Variants in SVOP observed in about 807,000 individuals in gnomAD.
SVOP encodes synaptic vesicle 2-related protein.
In SVOP, 17 loss-of-function variants were observed where a neutral mutation model predicts 69.1. That is an observed-to-expected ratio of 0.25 (90% CI 0.17 to 0.37). SVOP has a LOEUF of 0.37. Ranked by LOEUF, SVOP falls within the 10% of genes least tolerant of loss-of-function variation. The pLI is 1.00. For missense variants in SVOP, 435 were observed against 597.5 expected (o/e 0.73, Z 2.84); for synonymous variants, 238 against 238.6 (o/e 1.00, Z 0.02).
At chr12:109,008,605 G>T (rs1254483498) in intron 1 of SVOP, among the ~76,000 whole-genome samples, 1 of 152,134 alleles carries the variant, frequency 6.6e-6, no homozygotes, top group Non-Finnish European at 1.5e-5. Flanking sequence ...ATCCTAGTTA[G>T]CATTCATGAA....
At chr12:108,974,505 C>T (rs538525549) in intron 4 of SVOP, among the ~76,000 whole-genome samples, 1 of 152,102 alleles carries the variant, frequency 6.6e-6, no homozygotes, top group African/African-American at 2.4e-5. Context: ...GAATGTGATC[C>T]TTTTAAGCAA....
chr12:109,020,579 G>A (rs2040391162), intron 1 of SVOP, among the ~76,000 whole-genome samples: 1 of 152,090 alleles, frequency 6.6e-6, no homozygotes, highest in Non-Finnish European at 1.5e-5. Context: ...CAATTAAAAG[G>A]GGAATCATAA....
chr12:108,980,329 T>TTA (rs2137435964), intron 2 of SVOP, among the ~76,000 whole-genome samples: 1 of 152,338 alleles, frequency 6.6e-6, no homozygotes, highest in East Asian at 1.9e-4. Context: ...CACACCAAGG[T>TTA]TAATTTTTTT....
intron 10 of SVOP, among the ~76,000 whole-genome samples, chr12:108,934,801 C>G (rs2039846780): frequency 6.6e-6 from 1 of 152,172 alleles, no homozygotes; most frequent in Admixed American, 6.5e-5. Context: ...GGAAGTTACC[C>G]TATATGGTCT....
At chr12:108,922,204 A>G (rs2039752429) in intron 12 of SVOP, among the ~76,000 whole-genome samples, 1 of 152,230 alleles carries the variant, frequency 6.6e-6, no homozygotes, top group African/African-American at 2.4e-5. Flanking sequence ...AGCAAAGGGC[A>G]GGTTGGCTTA....
At chr12:108,953,876 C>T (rs557176320) in intron 6 of SVOP, among the ~76,000 whole-genome samples, 42 of 152,140 alleles carry the variant, frequency 2.8e-4, no homozygotes, top group African/African-American at 9.9e-4. Flanking sequence ...CTTTGGGAGG[C>T]TGAGGCAGGC....
chr12:109,021,063 G>T lies in SVOP; in HGVS notation c.-195C>A, dbSNP rs35075762. 3.8e-3 allele frequency: 2,167 copies of T among 568,920 alleles called. 5 individuals carry two copies. Among genetic ancestry groups the T allele is most frequent in the Non-Finnish European group, 5.4e-3 (1,712 of 319,170 alleles). 35.2% of individuals were successfully genotyped at this position (568,920 alleles called of 1,614,324 possible). A position where few individuals can be genotyped will look rare whatever the true frequency, so the allele number is the denominator to read the frequency against. On this transcript the variant is annotated 5_prime_UTR_variant, in exon 1 of 16. Transcript: ENST00000610966. ...GCCTCCGCCGCCAGGAGACCGCGGCGAGAGTGGGCGGAGAAGAGGAGGCGG... is the reference window on the plus strand; with the variant it reads ...GCCTCCGCCGCCAGGAGACCGCGGCTAGAGTGGGCGGAGAAGAGGAGGCGG...
chr12:109,006,668 T>G (rs1479949659), intron 1 of SVOP, among the ~76,000 whole-genome samples: 1 of 152,154 alleles, frequency 6.6e-6, no homozygotes, highest in African/African-American at 2.4e-5. Flanking sequence ...CTGTCCTTAA[T>G]TGTCTCATGC....
intron 6 of SVOP, among the ~76,000 whole-genome samples, chr12:108,946,519 A>G (rs2039923898): frequency 6.6e-6 from 1 of 151,926 alleles, no homozygotes; most frequent in Non-Finnish European, 1.5e-5. Flanking sequence ...TAATCAGTAT[A>G]GACTTGTGGA....
chr12:108,982,789 T>TGTCACC (rs2040146082), intron 2 of SVOP, among the ~76,000 whole-genome samples: 8 of 30,602 alleles, frequency 2.6e-4, no homozygotes, highest in African/African-American at 1.3e-3. Context: ...TCATCATCAC[T>TGTCACC]ATCATCATCA....
At chr12:108,923,896 G>C (rs1423687764) in intron 11 of SVOP, among the ~76,000 whole-genome samples, 3 of 152,108 alleles carry the variant, frequency 2.0e-5, no homozygotes, top group Non-Finnish European at 4.4e-5. Context: ...TCCTGACCTT[G>C]CTTTACTCTC....
chr12:108,926,943 G>A (rs1361613713), intron 11 of SVOP, among the ~76,000 whole-genome samples: 1 of 152,170 alleles, frequency 6.6e-6, no homozygotes, highest in African/African-American at 2.4e-5. Flanking sequence ...AAACAGCCTT[G>A]GAAGAAAGAG....
At chr12:108,962,717 G>A (rs1420805759) in intron 5 of SVOP, among the ~76,000 whole-genome samples, 1 of 152,154 alleles carries the variant, frequency 6.6e-6, no homozygotes, top group Non-Finnish European at 1.5e-5. Context: ...TGTAATCCCA[G>A]CATTTTGGGA....
intron 11 of SVOP, among the ~76,000 whole-genome samples, chr12:108,928,528 C>T (rs2039795824): frequency 6.6e-6 from 1 of 151,604 alleles, no homozygotes; most frequent in Admixed American, 6.6e-5. Context: ...CTTTGCCCCT[C>T]ACCCCTGAAG....
At chr12:108,950,669 G>A (rs1033782565) in intron 6 of SVOP, among the ~76,000 whole-genome samples, 1 of 152,092 alleles carries the variant, frequency 6.6e-6, no homozygotes, top group African/African-American at 2.4e-5. Flanking sequence ...GCAGGCATGA[G>A]CCACCATGCC....
chr12:108,926,603 A>T (rs1250309075), intron 11 of SVOP: 5 of 152,224 alleles, frequency 3.3e-5, no homozygotes, highest in Non-Finnish European at 7.3e-5. Context: ...GGTTACCTTC[A>T]CCTGTCATTG....
intron 4 of SVOP, 53 bp downstream of exon 4, chr12:108,977,345 A>C: frequency 6.6e-7 from 1 of 1,517,418 alleles, no homozygotes. Flanking sequence ...CCCACAGGAC[A>C]CCCCAGGGGA....
chr12:109,015,411 A>G (rs2040362667), intron 1 of SVOP, among the ~76,000 whole-genome samples: 1 of 152,180 alleles, frequency 6.6e-6, no homozygotes, highest in East Asian at 1.9e-4. Flanking sequence ...CATTGCAATC[A>G]ATCCCAGTGA....
intron 5 of SVOP, among the ~76,000 whole-genome samples, chr12:108,968,678 G>T (rs1383108043): frequency 1.3e-5 from 2 of 151,912 alleles, no homozygotes; most frequent in Non-Finnish European, 2.9e-5. Flanking sequence ...AGAATTTGGG[G>T]TTCAGCAAAT....
Sources: allele counts gnomAD v4.1 joint callset (sites outside exome capture counted in the v4.1 genomes callset), GRCh38; gene constraint gnomAD v4.1.1; transcripts MANE v1.5; gene names NCBI Gene and HGNC (gene_info 2026-07-23, HGNC 2026-07-21).